Variants in PI15 observed in about 807,000 individuals in gnomAD.
PI15 encodes the protein peptidase inhibitor 15.
A neutral mutation model predicts 31.0 loss-of-function variants in PI15; 18 were observed. That is an observed-to-expected ratio of 0.58 (90% CI 0.40 to 0.86). PI15 has a LOEUF of 0.86. Among genes scored for constraint, PI15 ranks in the 40% least tolerant of loss-of-function variants. PI15 has a pLI of 0.00. For missense variants in PI15, 282 were observed against 328.1 expected, an observed-to-expected ratio of 0.86 and a Z score of 1.09; for synonymous variants, 118 against 119.1, an observed-to-expected ratio of 0.99 and a Z score of 0.06.
chr8:74,825,622 G>T (rs545421835), intron 2 of PI15, 100 bp downstream of exon 2: 2 of 928,920 alleles, frequency 2.2e-6, no homozygotes, highest in Admixed American at 2.7e-5. Context: ...TATATGTCCG[G>T]GTATATGGAC....
At chr8:74,832,100 T>C (rs1055416658) in intron 2 of PI15, among the ~76,000 whole-genome samples, 1 of 152,010 alleles carries the variant, frequency 6.6e-6, no homozygotes, top group Non-Finnish European at 1.5e-5. Context: ...GCAATAAGGA[T>C]ATAAAAAAAC....
rs983894646 is a variant in PI15 at position 74,854,107 on chromosome 8, C to G, written c.*4854C>G. The G allele has an allele frequency of 6.6e-6, 1 of 151,810 alleles. No homozygotes were observed. Among genetic ancestry groups the G allele is most frequent in the Non-Finnish European group, 1.5e-5 (1 of 67,872 alleles). The allele number at this position is 151,810 out of a possible 1,614,324, so 9.4% of individuals were successfully genotyped here. On this transcript the variant is annotated 3_prime_UTR_variant, in exon 6 of 6. Coordinates refer to ENST00000260113, the MANE Select transcript of PI15 (RefSeq NM_015886.5). ...CATATTATTGAACTAATGTATTATT[C>G]CATTCAAAGTCTTTCTAGATTTAAA...
intron 2 of PI15, among the ~76,000 whole-genome samples, chr8:74,838,672 AT>A (rs1400306257): frequency 6.6e-6 from 1 of 151,984 alleles, no homozygotes; most frequent in Non-Finnish European, 1.5e-5. Flanking sequence ...CACTATTTGG[AT>A]TTTTACCTTA....
rs1291512532 is a variant in PI15, at chr8:74,851,117, T to A, written c.*1864T>A. 2.6e-5 allele frequency: 4 copies of A among 152,612 alleles called. No homozygotes were observed. The highest frequency in any genetic ancestry group is 4.4e-5 in the Non-Finnish European group (3 of 68,000). 9.5% of individuals were successfully genotyped at this position (152,612 alleles called of 1,614,324 possible). On this transcript the variant is annotated 3_prime_UTR_variant, in exon 6 of 6. Transcript: ENST00000260113. ...AATTGAATATGGTGACCAAATGCTT[T>A]GATATCATACTACTCTGCCTTTGTG...
chr8:74,841,655 A>T (rs1810947998), intron 2 of PI15, among the ~76,000 whole-genome samples: 1 of 152,210 alleles, frequency 6.6e-6, no homozygotes, highest in South Asian at 2.1e-4. Context: ...CTTTTAGGGG[A>T]CATAATTTGT....
At chr8:74,827,522 T>G (rs1277379374) in intron 2 of PI15, among the ~76,000 whole-genome samples, 2 of 152,180 alleles carry the variant, frequency 1.3e-5, no homozygotes, top group Non-Finnish European at 2.9e-5. Flanking sequence ...GAGGTTAACA[T>G]TGTGATCTTC....
chr8:74,834,212 C>T (rs550472757), intron 2 of PI15, among the ~76,000 whole-genome samples: 14 of 152,250 alleles, frequency 9.2e-5, no homozygotes, highest in Non-Finnish European at 1.2e-4. Context: ...CCTCTTCCTG[C>T]GTTCATCTCT....
rs1811071174 is a variant in PI15 at position 74,849,262 on chromosome 8, T to A, written c.*9T>A. 1 of 1,606,208 alleles carries A rather than the reference T, an allele frequency of 6.2e-7. No homozygotes were observed. The highest frequency in any genetic ancestry group is 8.5e-7 in the Non-Finnish European group (1 of 1,174,804). ...TGTACTGGTTTAAATAAGTTTACCT[T>A]TTCCTCCAGGAAATATAATGATTTC... On this transcript the variant is annotated 3_prime_UTR_variant, in exon 6 of 6. Transcript: ENST00000260113.
intron 5 of PI15, among the ~76,000 whole-genome samples, chr8:74,848,272 T>C (rs1280327474): frequency 6.6e-6 from 1 of 152,228 alleles, no homozygotes; most frequent in South Asian, 2.1e-4. Context: ...CTGAGAGACA[T>C]TACTCTCTTA....
intron 2 of PI15, among the ~76,000 whole-genome samples, chr8:74,833,452 G>T (rs1261713765): frequency 1.3e-5 from 2 of 151,698 alleles, no homozygotes; most frequent in Non-Finnish European, 1.5e-5. Context: ...TTGCTTCAGG[G>T]TTTATCCATT....
intron 5 of PI15, among the ~76,000 whole-genome samples, chr8:74,848,732 T>TATATATAGAGAGAGAGAGAG (rs1191072583): frequency 2.9e-5 from 4 of 136,354 alleles, no homozygotes; most frequent in African/African-American, 8.3e-5. Flanking sequence ...TATATATATA[T>TATATATAGAGAGAGAGAGAG]AGAGAGAGAG....
chr8:74,836,415 G>T (rs188085506), intron 2 of PI15, among the ~76,000 whole-genome samples: 1 of 152,176 alleles, frequency 6.6e-6, no homozygotes, highest in Non-Finnish European at 1.5e-5. Context: ...GGAAAAGTAC[G>T]CAGTTGAATA....
rs1296068844 is a variant in PI15, at chr8:74,852,298, A to C, written c.*3045A>C. 1.3e-5 allele frequency: 2 copies of C among 152,102 alleles called. No individual in the cohort carries two copies. Among genetic ancestry groups the C allele is most frequent in the East Asian group, 3.8e-4 (2 of 5,208 alleles). The allele number at this position is 152,102 out of a possible 1,614,324, so 9.4% of individuals were successfully genotyped here. A position where few individuals can be genotyped will look rare whatever the true frequency, so the allele number is the denominator to read the frequency against. ...ACAATATAGGTTTTGGGGCTTCCAT[A>C]TCATCAAAAGACTGAAAAATTATAA... On this transcript the variant is annotated 3_prime_UTR_variant, in exon 6 of 6. Transcript: ENST00000260113.
intron 2 of PI15, among the ~76,000 whole-genome samples, chr8:74,838,164 C>T (rs1196358714): frequency 1.3e-5 from 2 of 151,276 alleles, no homozygotes; most frequent in Non-Finnish European, 2.9e-5. Context: ...TTATATAATT[C>T]TAAGAAATGT....
chr8:74,828,779 T>C (rs1810736740), intron 2 of PI15, among the ~76,000 whole-genome samples: 1 of 152,092 alleles, frequency 6.6e-6, no homozygotes, highest in Non-Finnish European at 1.5e-5. Context: ...GGCTCAGGGC[T>C]TCTAATTGCA....
chr8:74,832,814 G>A (rs764055454), intron 2 of PI15, among the ~76,000 whole-genome samples: 24 of 151,970 alleles, frequency 1.6e-4, no homozygotes, highest in Non-Finnish European at 2.6e-4. Context: ...ATGGAAGAAT[G>A]CCCAACACGT....
rs897810795 is a variant in PI15 at position 74,851,662 on chromosome 8, G to A, written c.*2409G>A. ...GTAACATAATAAATGTTTAATAAAT[G>A]CTTATATGAATGGATTTTTAGAATT... On this transcript the variant is annotated 3_prime_UTR_variant, in exon 6 of 6. Transcript: ENST00000260113. The A allele has an allele frequency of 6.6e-6, 1 of 151,944 alleles. No homozygotes were observed. Among genetic ancestry groups the A allele is most frequent in the Admixed American group, 6.6e-5 (1 of 15,244 alleles). The allele number at this position is 151,944 out of a possible 1,614,324, so 9.4% of individuals were successfully genotyped here. A position where few individuals can be genotyped will look rare whatever the true frequency, so the allele number is the denominator to read the frequency against.
In PI15 at chr8:74,825,222, G is replaced by T. The variant is rs764514320; in HGVS notation, c.-28G>T. ...TTCTGCTTTAAAGCAAAGTAAACTCGGTGGCCTCTTCTTCTCCACCCCTCA... is the reference window on the plus strand; with the variant it reads ...TTCTGCTTTAAAGCAAAGTAAACTCTGTGGCCTCTTCTTCTCCACCCCTCA... On this transcript the variant is annotated 5_prime_UTR_variant, in exon 2 of 6. Transcript: ENST00000260113. 2 of 1,607,228 alleles carry T rather than the reference G, an allele frequency of 1.2e-6. No individual in the cohort carries two copies. Among genetic ancestry groups the T allele is most frequent in the Non-Finnish European group, 1.7e-6 (2 of 1,175,360 alleles).
intron 2 of PI15, among the ~76,000 whole-genome samples, chr8:74,828,238 A>G (rs1810727541): frequency 6.6e-6 from 1 of 152,120 alleles, no homozygotes; most frequent in Non-Finnish European, 1.5e-5. Flanking sequence ...AGGAAGAGTC[A>G]CTGAAAGAGC....
Sources: gnomAD v4.1 joint callset for allele counts (sites outside exome capture counted in the v4.1 genomes callset) on GRCh38, gnomAD v4.1.1 for gene constraint, MANE v1.5 for transcripts, NCBI Gene and HGNC (gene_info 2026-07-23, HGNC 2026-07-21) for gene names.